The following BEND6 variants were observed in gnomAD, a reference collection of about 807,000 sequenced individuals.
The protein encoded by BEND6 is BEN domain containing 6, also known as BEN domain-containing protein 6.
Under a neutral mutation model 31.8 loss-of-function variants are expected in BEND6, and 24 were observed. The observed-to-expected ratio is 0.75, with a 90% CI of 0.55 to 1.06. BEND6 has a LOEUF of 1.06. Ranked by LOEUF, BEND6 falls within the 50% of genes least tolerant of loss-of-function variation. BEND6 has a pLI of 0.00. For missense variants in BEND6, 294 were observed against 327.4 expected (o/e 0.90, Z 0.79); for synonymous variants, 109 against 114.6 (o/e 0.95, Z 0.31).
chr6:56,956,667 G>A (rs1039947652), intron 1 of BEND6, among the ~76,000 whole-genome samples: 13 of 152,248 alleles, frequency 8.5e-5, no homozygotes, highest in African/African-American at 2.7e-4. Context: ...TTGAATGGCA[G>A]CATGTAGGCT....
At chr6:56,963,071 C>T (rs1349839153) in intron 1 of BEND6, among the ~76,000 whole-genome samples, 3 of 152,216 alleles carry the variant, frequency 2.0e-5, no homozygotes, top group African/African-American at 4.8e-5. Flanking sequence ...AGACCACACA[C>T]CTAACAAGCG....
chr6:56,985,798 T>A (rs963966934), intron 2 of BEND6, among the ~76,000 whole-genome samples: 5 of 152,262 alleles, frequency 3.3e-5, no homozygotes, highest in African/African-American at 9.6e-5. Context: ...TCTTGGTTAT[T>A]CTGATGGATT....
At chr6:56,971,251 A>G (rs187954336) in intron 1 of BEND6, among the ~76,000 whole-genome samples, 3 of 152,318 alleles carry the variant, frequency 2.0e-5, no homozygotes, top group Non-Finnish European at 2.9e-5. Context: ...GAACTGGCAT[A>G]TTTCACTTAG....
intron 3 of BEND6, chr6:57,004,517 G>T (rs781767277): frequency 4.3e-5 from 31 of 718,032 alleles, no homozygotes; most frequent in Non-Finnish European, 7.5e-5. Context: ...GCTCCGTGTA[G>T]CCACCGCCAC....
chr6:56,997,904 A>T (rs542419863), intron 3 of BEND6, among the ~76,000 whole-genome samples: 2 of 152,170 alleles, frequency 1.3e-5, no homozygotes, highest in Admixed American at 1.3e-4. Context: ...GAAAGGGACT[A>T]TTCTAAATAC....
chr6:56,969,885 C>A (rs1035119183), intron 1 of BEND6, among the ~76,000 whole-genome samples: 1 of 151,772 alleles, frequency 6.6e-6, no homozygotes, highest in African/African-American at 2.4e-5. Context: ...GTCTTAATTC[C>A]GAGACACTGT....
At chr6:56,989,123 AATATATT>A (rs1311119162) in intron 2 of BEND6, among the ~76,000 whole-genome samples, 1 of 150,382 alleles carries the variant, frequency 6.6e-6, no homozygotes, top group Non-Finnish European at 1.5e-5. Flanking sequence ...TTTCTATATA[AATATATT>A]ATATATTATG....
intron 3 of BEND6, chr6:57,014,613 T>C: frequency 1.0e-6 from 1 of 966,142 alleles, no homozygotes; most frequent in Non-Finnish European, 1.5e-6. Flanking sequence ...CAGGTTTGAA[T>C]TGTGGCAGTG....
chr6:56,959,573 T>C (rs563156014), intron 1 of BEND6, among the ~76,000 whole-genome samples: 7 of 152,192 alleles, frequency 4.6e-5, no homozygotes, highest in Admixed American at 1.3e-4. Context: ...AAAGGAGCTA[T>C]ATCATCTGGA....
At chr6:56,986,973 CTT>C (rs869195941) in intron 2 of BEND6, among the ~76,000 whole-genome samples, 1,471 of 123,788 alleles carry the variant, frequency 0.012, 21 homozygotes, top group African/African-American at 0.04. Flanking sequence ...TGTTTCTTTT[CTT>C]TTTTTTTTTT....
intron 3 of BEND6, chr6:57,014,553 A>T (rs1827462845): frequency 6.9e-7 from 1 of 1,453,122 alleles, no homozygotes; most frequent in African/African-American, 1.5e-5. Flanking sequence ...AAAAGGAACA[A>T]AGAAAATATT....
chr6:57,018,649 C>T (rs1827644576), intron 6 of BEND6, 92 bp downstream of exon 6: 2 of 1,195,248 alleles, frequency 1.7e-6, no homozygotes, highest in South Asian at 2.5e-5. Flanking sequence ...AATCACTCTA[C>T]TAGAAAATAC....
At chr6:57,015,896 A>G (rs866508590) in intron 4 of BEND6, among the ~76,000 whole-genome samples, 42 of 152,188 alleles carry the variant, frequency 2.8e-4, no homozygotes, top group African/African-American at 9.9e-4. Flanking sequence ...GAGGGAGAAG[A>G]AGGTCTTCTC....
chr6:56,983,780 A>G (rs115368251), intron 2 of BEND6, among the ~76,000 whole-genome samples: 53 of 152,278 alleles, frequency 3.5e-4, no homozygotes, highest in African/African-American at 1.3e-3. Flanking sequence ...ATATTGCTAT[A>G]TATACATCTG....
At chr6:57,020,366 ACTC>A (rs1827699408) in intron 6 of BEND6, among the ~76,000 whole-genome samples, 1 of 150,150 alleles carries the variant, frequency 6.7e-6, no homozygotes, top group South Asian at 2.1e-4. Flanking sequence ...TCCACCTTGA[ACTC>A]CTCAAATGTC....
chr6:57,002,301 A>G (rs937842640), intron 3 of BEND6, among the ~76,000 whole-genome samples: 3 of 150,762 alleles, frequency 2.0e-5, no homozygotes, highest in Non-Finnish European at 4.4e-5. Flanking sequence ...CATTAGGCAG[A>G]TCATCCATGC....
At chr6:56,963,964 ATTG>A (rs1197841590) in intron 1 of BEND6, among the ~76,000 whole-genome samples, 4 of 147,644 alleles carry the variant, frequency 2.7e-5, no homozygotes, top group Non-Finnish European at 6.0e-5. Flanking sequence ...ATATAATTAT[ATTG>A]TTAATTAATA....
chr6:56,980,312 C>T (rs1052249430), intron 1 of BEND6, among the ~76,000 whole-genome samples: 1 of 152,174 alleles, frequency 6.6e-6, no homozygotes, highest in Non-Finnish European at 1.5e-5. Flanking sequence ...CCTCAGCCTC[C>T]AGAGTAGTTG....
chr6:57,008,924 A>G (rs745421200), intron 3 of BEND6: 5 of 152,252 alleles, frequency 3.3e-5, no homozygotes, highest in Non-Finnish European at 7.3e-5. Context: ...AAAATGTGGC[A>G]TATATACACA....
Sources: gnomAD v4.1 joint callset for allele counts (sites outside exome capture counted in the v4.1 genomes callset) on GRCh38, gnomAD v4.1.1 for gene constraint, MANE v1.5 for transcripts, NCBI Gene and HGNC (gene_info 2026-07-23, HGNC 2026-07-21) for gene names.